The following BEST3 variants were observed in gnomAD, a reference collection of about 807,000 sequenced individuals.
BEST3 encodes bestrophin 3.
BEST3 carries 50 observed loss-of-function variants against 47.1 expected under a neutral mutation model. That is an observed-to-expected ratio of 1.06 (90% CI 0.85 to 1.34). The LOEUF (loss-of-function observed/expected upper bound fraction) is 1.34, where lower values mean the gene tolerates loss of function less well. Among genes scored for constraint, BEST3 ranks in the 40% most tolerant of loss-of-function variants. The pLI is 0.00. For synonymous variants in BEST3, 282 were observed against 298.8 expected (o/e 0.94, Z 0.58); for missense variants, 765 against 817.0 (o/e 0.94, Z 0.78).
At chr12:69,686,771 C>CAAAAAAACAACAAAAA (rs1555208489) in intron 4 of BEST3, among the ~76,000 whole-genome samples, 15 of 49,938 alleles carry the variant, frequency 3.0e-4, no homozygotes, top group Non-Finnish European at 4.1e-4. Flanking sequence ...GATTCTGCCT[C>CAAAAAAACAACAAAAA]AAAAAAACAA....
At chr12:69,694,185 C>T (rs1351683710) in intron 3 of BEST3, 185 bp downstream of exon 3, 8 of 574,580 alleles carry the variant, frequency 1.4e-5, no homozygotes, top group Non-Finnish European at 2.5e-5. Context: ...TTTCCTCAAA[C>T]TTGTTTGGTG....
chr12:69,664,718 A>T (rs1474150085), intron 9 of BEST3, among the ~76,000 whole-genome samples: 2 of 148,362 alleles, frequency 1.3e-5, no homozygotes, highest in Admixed American at 1.4e-4. Flanking sequence ...TATATATAAT[A>T]TAAAAAATCA....
At chr12:69,682,535 GTTGT>G (rs759615294) in intron 4 of BEST3, among the ~76,000 whole-genome samples, 4 of 151,374 alleles carry the variant, frequency 2.6e-5, no homozygotes, top group Non-Finnish European at 5.9e-5. Flanking sequence ...AATCTGTTTT[GTTGT>G]TTGTTTTTTA....
At chr12:69,682,705 T>C (rs1307849448) in intron 4 of BEST3, among the ~76,000 whole-genome samples, 1 of 152,112 alleles carries the variant, frequency 6.6e-6, no homozygotes, top group Non-Finnish European at 1.5e-5. Flanking sequence ...GCCTCCTGAG[T>C]AGCTGGGTCT....
chr12:69,666,460 C>T lies in BEST3; in HGVS notation c.1100+4968G>A, dbSNP rs1172493538. Among the ~76,000 whole-genome samples, 8 of 152,352 alleles carry T rather than the reference C, an allele frequency of 5.3e-5. No homozygotes were observed. In the East Asian group the frequency reaches 1.5e-3, roughly 29 times the overall value. ...TCACTTAAGCCTCTGATGACCCTAA[C>T]ATGCAAAACCTATGGCATGCTTTTC... On this transcript the variant is annotated intron_variant, in intron 9 of 9. Coordinates refer to ENST00000330891, the MANE Select transcript of BEST3 (RefSeq NM_032735.3).
chr12:69,699,240 G>C lies in BEST3; in HGVS notation c.-51C>G. On this transcript the variant is annotated 5_prime_UTR_variant, in exon 1 of 10. Coordinates refer to ENST00000330891, the MANE Select transcript of BEST3 (RefSeq NM_032735.3). ...GGTTTGTAGTCTCCGACAGGAAAGAGAATCTTCAAATTTCGGGCTCCCCCG... is the reference window on the plus strand; with the variant it reads ...GGTTTGTAGTCTCCGACAGGAAAGACAATCTTCAAATTTCGGGCTCCCCCG... 1 of 985,470 alleles carries C rather than the reference G, an allele frequency of 1.0e-6. No homozygotes were observed. The highest frequency in any genetic ancestry group is 1.2e-6 in the Non-Finnish European group (1 of 829,946). 61.0% of individuals were successfully genotyped at this position (985,470 alleles called of 1,614,324 possible). A position where few individuals can be genotyped will look rare whatever the true frequency, so the allele number is the denominator to read the frequency against.
chr12:69,653,083 T>G (rs1565818506), downstream of BEST3, among the ~76,000 whole-genome samples: 1 of 152,188 alleles, frequency 6.6e-6, no homozygotes, highest in African/African-American at 2.4e-5. Flanking sequence ...CTGGGAGATA[T>G]GAGGTCTTGT....
At chr12:69,652,963 C>A (rs1414263936), downstream of BEST3, among the ~76,000 whole-genome samples, 1 of 152,154 alleles carries the variant, frequency 6.6e-6, no homozygotes, top group Non-Finnish European at 1.5e-5. Flanking sequence ...CACTACCAAC[C>A]AACATAGAGA....
chr12:69,694,035 T>C (rs1886037229), intron 3 of BEST3, 128 bp from the exon 4 acceptor site: 1 of 728,152 alleles, frequency 1.4e-6, no homozygotes, highest in South Asian at 2.0e-5. Flanking sequence ...CCATATCTTC[T>C]GATTTTGCCT....
chr12:69,665,113 A>T (rs1341202197), intron 9 of BEST3, among the ~76,000 whole-genome samples: 9 of 121,504 alleles, frequency 7.4e-5, no homozygotes, highest in South Asian at 3.6e-4. Flanking sequence ...AATTCAGTAA[A>T]AGGGATGCCA....
Position 69,697,729 on chromosome 12 carries a change from A to C in BEST3, c.70T>G (p.Trp24Gly), listed in dbSNP as rs1271592619. The C allele has an allele frequency of 6.2e-7, 1 of 1,613,176 alleles. No individual in the cohort carries two copies. The highest frequency in any genetic ancestry group is 1.3e-5 in the African/African-American group (1 of 74,924). ...AGTAGTTTGTAGATGCTGCCTCTCCACTTGAGGAGTAACCTATGAAATCCA... is the reference window on the plus strand; with the variant it reads ...AGTAGTTTGTAGATGCTGCCTCTCCCCTTGAGGAGTAACCTATGAAATCCA... Reference protein sequence around the residue: ...FFGFHRLLLKWRGSIYKLLYR... With the variant: ...FFGFHRLLLKGRGSIYKLLYR... Residue 24 changes from tryptophan (W) to glycine (G), a missense_variant, in exon 2 of 10, where the codon TGG becomes GGG. Trp to Gly is a radical substitution (Grantham distance 184, BLOSUM62 -2). Transcript: ENST00000330891.
intron 9 of BEST3, among the ~76,000 whole-genome samples, chr12:69,645,938 G>GATTA (rs1360836390): frequency 2.0e-5 from 3 of 151,906 alleles, no homozygotes; most frequent in Non-Finnish European, 4.4e-5. Context: ...ATTTGAGAAG[G>GATTA]ATTTATTTAT....
intron 7 of BEST3, among the ~76,000 whole-genome samples, chr12:69,674,486 C>G (rs1352465374): frequency 2.0e-5 from 3 of 152,178 alleles, no homozygotes; most frequent in Admixed American, 1.3e-4. Flanking sequence ...TGCCCTGAAT[C>G]AGTAAGCCTC....
intron 9 of BEST3, chr12:69,660,229 A>G (rs1231560374): frequency 6.6e-6 from 1 of 152,176 alleles, no homozygotes; most frequent in African/African-American, 2.4e-5. Flanking sequence ...TGAAAGTAGA[A>G]GATGTAAAAA....
chr12:69,651,435 C>G (rs146060375), downstream of BEST3, among the ~76,000 whole-genome samples: 4 of 152,270 alleles, frequency 2.6e-5, no homozygotes, highest in Non-Finnish European at 5.9e-5. Flanking sequence ...AGTAGATTCT[C>G]AGAGAGTAGA....
Position 69,654,755 on chromosome 12 carries a change from T to C in BEST3, c.*152A>G. The C allele has an allele frequency of 7.3e-7, 1 of 1,370,430 alleles. No individual in the cohort carries two copies. The highest frequency in any genetic ancestry group is 9.4e-7 in the Non-Finnish European group (1 of 1,061,046). 84.9% of individuals were successfully genotyped at this position (1,370,430 alleles called of 1,614,324 possible). A position where few individuals can be genotyped will look rare whatever the true frequency, so the allele number is the denominator to read the frequency against. ...TTTCGCAGCTCTCAAAAAGTCAGGA[T>C]CATAATGCCCTTCAAAGTTCTAAGT... On this transcript the variant is annotated 3_prime_UTR_variant, in exon 10 of 10. Coordinates refer to ENST00000330891, the MANE Select transcript of BEST3 (RefSeq NM_032735.3).
intron 9 of BEST3, among the ~76,000 whole-genome samples, chr12:69,644,903 G>A (rs1882983754): frequency 6.6e-6 from 1 of 152,066 alleles, no homozygotes; most frequent in Non-Finnish European, 1.5e-5. Context: ...TGTAATACAT[G>A]TAATTTATTC....
downstream of BEST3, chr12:69,653,497 A>C (rs1385647213): frequency 2.2e-6 from 1 of 457,932 alleles, no homozygotes; most frequent in Non-Finnish European, 2.9e-6. Context: ...ATTTTAGGCA[A>C]ATACCTTACT....
chr12:69,670,647 C>T, intron 9 of BEST3: 1 of 683,576 alleles, frequency 1.5e-6, no homozygotes, highest in South Asian at 1.6e-5. Context: ...GCAGCAACCA[C>T]AGGACACAAA....
Sources: gnomAD v4.1 joint callset for allele counts (sites outside exome capture counted in the v4.1 genomes callset) on GRCh38, gnomAD v4.1.1 for gene constraint, MANE v1.5 for transcripts, NCBI Gene and HGNC (gene_info 2026-07-23, HGNC 2026-07-21) for gene names.